The following INTS6L variants were observed in gnomAD, a reference collection of about 807,000 sequenced individuals.
INTS6L encodes integrator complex subunit 6 like, also known as integrator complex subunit 6-like.
INTS6L carries 18 observed loss-of-function variants against 64.7 expected under a neutral mutation model. That is an observed-to-expected ratio of 0.28 (90% CI 0.19 to 0.41). INTS6L has a LOEUF of 0.41. Among genes scored for constraint, INTS6L ranks in the 10% least tolerant of loss-of-function variants. The pLI, the probability that INTS6L is intolerant of heterozygous loss-of-function variation, is 1.00. For synonymous variants in INTS6L, 227 were observed against 235.9 expected (o/e 0.96, Z 0.34); for missense variants, 533 against 661.0 (o/e 0.81, Z 2.12).
Position 135,521,226 on chromosome X carries a change from T to A in INTS6L, c.112-15T>A, listed in dbSNP as rs1556496504. 1 of 1,205,362 alleles carries A rather than the reference T, an allele frequency of 8.3e-7. No homozygotes were observed. Among genetic ancestry groups the A allele is most frequent in the Non-Finnish European group, 1.1e-6 (1 of 892,338 alleles). ...CTTTCCTACGCGACCCCCTCCGTCA[T>A]CCCTTGCCCCGCAGCTGCGCGCCCG... On this transcript the variant is annotated splice_polypyrimidine_tract_variant and intron_variant, in intron 1 of 17. Transcript: ENST00000639893.
At chrX:135,560,478 C>T (rs930156761) in intron 9 of INTS6L, among the ~76,000 whole-genome samples, 2 of 112,200 alleles carry the variant, frequency 1.8e-5, no homozygotes, top group African/African-American at 6.5e-5. Context: ...TATGTTCCAT[C>T]GGTGCTTGAC....
At chrX:135,537,940 T>TA (rs1443075075) in intron 2 of INTS6L, among the ~76,000 whole-genome samples, 4 of 112,143 alleles carry the variant, frequency 3.6e-5, no homozygotes, top group Non-Finnish European at 7.5e-5. Flanking sequence ...ACTTTGTTGC[T>TA]AAAAAAATGT....
intron 8 of INTS6L, among the ~76,000 whole-genome samples, chrX:135,553,925 C>T (rs1360747636): frequency 8.9e-6 from 1 of 111,992 alleles, no homozygotes; most frequent in Admixed American, 9.5e-5. Flanking sequence ...TGCTTCTGCA[C>T]TACCCCTTAA....
At chrX:135,537,396 A>G (rs2086085256) in intron 2 of INTS6L, among the ~76,000 whole-genome samples, 1 of 112,595 alleles carries the variant, frequency 8.9e-6, no homozygotes, top group Admixed American at 9.4e-5. Flanking sequence ...ATTTACATGA[A>G]GGATTGTTAC....
chrX:135,568,744 TTA>T (rs1339378228), intron 9 of INTS6L, among the ~76,000 whole-genome samples: 28 of 110,229 alleles, frequency 2.5e-4, no homozygotes, highest in African/African-American at 9.2e-4. Context: ...AGGGGTCTCA[TTA>T]TGTTGCCCAG....
At chrX:135,524,310 A>C (rs2085670532) in intron 2 of INTS6L, among the ~76,000 whole-genome samples, 2 of 111,537 alleles carry the variant, frequency 1.8e-5, no homozygotes, top group South Asian at 7.4e-4. Context: ...CTGATTATCA[A>C]ATAGGTCTTT....
At chrX:135,565,727 T>G (rs782502924) in intron 9 of INTS6L, among the ~76,000 whole-genome samples, 1 of 111,810 alleles carries the variant, frequency 8.9e-6, no homozygotes, top group South Asian at 3.8e-4. Flanking sequence ...ATGCTCTTCC[T>G]CCTCTCTTCA....
intron 15 of INTS6L, 106 bp downstream of exon 15, chrX:135,577,533 A>G: frequency 3.8e-6 from 3 of 798,889 alleles, no homozygotes; most frequent in East Asian, 3.4e-5. Flanking sequence ...GTTTGTGTTC[A>G]TTAAGTAAGC....
At chrX:135,580,757 T>A (rs1358008413) in intron 16 of INTS6L, among the ~76,000 whole-genome samples, 9 of 112,783 alleles carry the variant, frequency 8.0e-5, no homozygotes, top group African/African-American at 2.6e-4. Context: ...ATCCTTAACT[T>A]AATTACACCT....
At position 135,577,508 on chromosome X, in the gene INTS6L, C is replaced by T. The variant is rs2087263596; in HGVS notation, c.2119+81C>T. 5 of 975,164 alleles carry T rather than the reference C, an allele frequency of 5.1e-6. No individual in the cohort carries two copies. In the South Asian group the frequency reaches 1.1e-4, roughly 22 times the overall value. 80.4% of individuals were successfully genotyped at this position (975,164 alleles called of 1,213,427 possible). ...CAATTTTATTTCCCTTTTTGTGTTC[C>T]TTCCTTTGTGTTCAGTTTGTGTTCA... On this transcript the variant is annotated intron_variant, in intron 15 of 17. Coordinates refer to ENST00000639893, the MANE Select transcript of INTS6L (RefSeq NM_001351601.3).
intron 14 of INTS6L, among the ~76,000 whole-genome samples, chrX:135,575,973 A>T (rs1448549692): frequency 8.9e-6 from 1 of 111,888 alleles, no homozygotes; most frequent in East Asian, 2.8e-4. Context: ...CGTCACCTAA[A>T]TCCTCAATTT....
At chrX:135,551,866 T>C in intron 7 of INTS6L, 128 bp from the exon 8 acceptor site, 1 of 604,023 alleles carries the variant, frequency 1.7e-6, no homozygotes, top group Non-Finnish European at 2.3e-6. Context: ...ATCTTCTTTC[T>C]CAAAATGCTA....
chrX:135,536,134 C>CA (rs1447457299), intron 2 of INTS6L, among the ~76,000 whole-genome samples: 1 of 111,696 alleles, frequency 9.0e-6, no homozygotes, highest in Admixed American at 9.5e-5. Context: ...GTCAGGGGGA[C>CA]ACCACAAATG....
intron 9 of INTS6L, among the ~76,000 whole-genome samples, chrX:135,563,633 G>GTGTATA (rs1556523326): frequency 1.3e-3 from 13 of 10,397 alleles, no homozygotes; most frequent in African/African-American, 2.4e-3. Flanking sequence ...GTGTGTGTGT[G>GTGTATA]TATATATATA....
At chrX:135,538,094 A>G (rs2086102299) in intron 2 of INTS6L, among the ~76,000 whole-genome samples, 1 of 112,066 alleles carries the variant, frequency 8.9e-6, no homozygotes, top group Admixed American at 9.4e-5. Flanking sequence ...TAAGACAACT[A>G]TGAACTTTAC....
chrX:135,535,531 T>C (rs1340574733), intron 2 of INTS6L, among the ~76,000 whole-genome samples: 1 of 112,254 alleles, frequency 8.9e-6, no homozygotes, highest in Non-Finnish European at 1.9e-5. Flanking sequence ...ATTTTTCATG[T>C]CATTCCATCT....
At chrX:135,556,804 T>C (rs1329281753) in intron 9 of INTS6L, among the ~76,000 whole-genome samples, 1 of 112,150 alleles carries the variant, frequency 8.9e-6, no homozygotes, top group Non-Finnish European at 1.9e-5. Flanking sequence ...AAGAAGCTGT[T>C]ACTCAGATAC....
At chrX:135,561,098 T>C (rs1188357176) in intron 9 of INTS6L, among the ~76,000 whole-genome samples, 2 of 107,159 alleles carry the variant, frequency 1.9e-5, no homozygotes, top group Non-Finnish European at 1.9e-5. Flanking sequence ...ATTACAGGCA[T>C]GTACCACCCT....
At chrX:135,522,757 T>A (rs1602773907) in intron 2 of INTS6L, among the ~76,000 whole-genome samples, 2 of 112,400 alleles carry the variant, frequency 1.8e-5, no homozygotes, top group African/African-American at 6.5e-5. Flanking sequence ...TTCGGTTAAC[T>A]GTTTAATTAG....
Sources: allele counts gnomAD v4.1 joint callset (sites outside exome capture counted in the v4.1 genomes callset), GRCh38; gene constraint gnomAD v4.1.1; transcripts MANE v1.5; gene names NCBI Gene and HGNC (gene_info 2026-07-23, HGNC 2026-07-21).